Variants in GNA12 observed in about 807,000 individuals in gnomAD.
GNA12 encodes guanine nucleotide-binding protein subunit alpha-12.
GNA12 carries 9 observed loss-of-function variants against 26.0 expected under a neutral mutation model. The observed-to-expected ratio is 0.35, with a 90% confidence interval of 0.21 to 0.60. GNA12 has a LOEUF of 0.60. Among genes scored for constraint, GNA12 ranks in the 20% least tolerant of loss-of-function variants. The probability of loss-of-function intolerance (pLI) is 0.78; values close to 1 mark genes in which losing one functional copy is unlikely to be tolerated. For missense variants in GNA12, 405 were observed against 525.8 expected (o/e 0.77, Z 2.25); for synonymous variants, 264 against 219.6 (o/e 1.20, Z -1.79).
intron 2 of GNA12, among the ~76,000 whole-genome samples, chr7:2,738,054 T>C (rs886281566): frequency 5.3e-5 from 8 of 152,236 alleles, no homozygotes; most frequent in East Asian, 1.9e-4. Context: ...TTCATATACA[T>C]TAGAAAAAGG....
At chr7:2,792,889 G>T (rs545856717) in intron 2 of GNA12, among the ~76,000 whole-genome samples, 14 of 152,314 alleles carry the variant, frequency 9.2e-5, no homozygotes, top group African/African-American at 3.4e-4. Context: ...GGGTCTCAAT[G>T]TATCTCCCTA....
At position 2,791,043 on chromosome 7, in the gene GNA12, G is replaced by T. The variant is rs1055661607; in HGVS notation, c.525+3885C>A. ...AGTAGATAATTCATCCACATTTGTA[G>T]TATGTAGGCAATATCATCCACATAC... On this transcript the variant is annotated intron_variant, in intron 2 of 3. Transcript: ENST00000275364. Among the ~76,000 whole-genome samples, 4 of 151,578 alleles carry T rather than the reference G, an allele frequency of 2.6e-5. No homozygotes were observed. In the East Asian group the frequency reaches 7.7e-4, roughly 29 times the overall value.
Position 2,731,539 on chromosome 7 carries a change from T to G in GNA12, c.788A>C (p.Glu263Ala). ...SSSEYDQVLM[E>A]DRRTNRLVES... ...CACCAGCCGGTTGGTGCGCCTGTCC[T>G]CCATGAGGACCTGGTCGTACTCGCT... The change falls in exon 4 of 4, where the codon GAG becomes GCG. Residue 263 changes from glutamate (E) to alanine (A), a missense_variant. Physicochemically the swap from Glu to Ala is moderately radical, Grantham distance 107 (BLOSUM62 -1). Coordinates refer to ENST00000275364, the MANE Select transcript of GNA12 (RefSeq NM_007353.3). This position sits in a 1 kb window ranked among gnomAD's most constrained non-coding sequence, Gnocchi z 6.0. The G allele has an allele frequency of 6.2e-7, 1 of 1,611,220 alleles. No individual in the cohort carries two copies. The highest frequency in any genetic ancestry group is 8.5e-7 in the Non-Finnish European group (1 of 1,177,982).
chr7:2,802,055 T>G (rs1367271727), intron 1 of GNA12, among the ~76,000 whole-genome samples: 1 of 152,158 alleles, frequency 6.6e-6, no homozygotes, highest in African/African-American at 2.4e-5. Context: ...GAAAGACCAA[T>G]TTTCTAAAAC....
chr7:2,804,056 C>G (rs1402734659), intron 1 of GNA12, among the ~76,000 whole-genome samples: 2 of 152,176 alleles, frequency 1.3e-5, no homozygotes, highest in African/African-American at 4.8e-5. Context: ...CACTACATGA[C>G]AAACACTAGT....
chr7:2,772,559 C>CAA (rs60736477), intron 2 of GNA12, among the ~76,000 whole-genome samples: 4,081 of 113,842 alleles, frequency 0.036, 153 homozygotes, highest in Middle Eastern at 0.1. Context: ...GACTCCATCT[C>CAA]AAAAAAAAAA....
At chr7:2,794,724 GT>G in intron 2 of GNA12, 1 of 591,182 alleles carries the variant, frequency 1.7e-6, no homozygotes, top group East Asian at 2.8e-5. Flanking sequence ...TCTTACCTGA[GT>G]GGCTCTTGCT....
chr7:2,772,227 G>A (rs1371212868), intron 2 of GNA12, among the ~76,000 whole-genome samples: 2 of 152,214 alleles, frequency 1.3e-5, no homozygotes, highest in African/African-American at 2.4e-5. Flanking sequence ...GCACAAACCT[G>A]TTATAGAAGA....
intron 2 of GNA12, among the ~76,000 whole-genome samples, chr7:2,790,237 C>G (rs1168905781): frequency 6.6e-6 from 1 of 152,140 alleles, no homozygotes; most frequent in Non-Finnish European, 1.5e-5. Flanking sequence ...CTTAACATAG[C>G]CTGATTATTT....
intron 1 of GNA12, among the ~76,000 whole-genome samples, chr7:2,824,164 A>G (rs1793428080): frequency 6.6e-6 from 1 of 152,226 alleles, no homozygotes; most frequent in African/African-American, 2.4e-5. Context: ...CCCACAGATC[A>G]GGATGACAGC....
At chr7:2,736,964 T>G (rs1046223556) in intron 2 of GNA12, among the ~76,000 whole-genome samples, 1 of 152,190 alleles carries the variant, frequency 6.6e-6, no homozygotes, top group African/African-American at 2.4e-5. Context: ...AGGGGCTGAC[T>G]CTGGTTCCCT....
chr7:2,795,712 A>G (rs1304166513), intron 1 of GNA12, among the ~76,000 whole-genome samples: 2 of 151,928 alleles, frequency 1.3e-5, no homozygotes, highest in Non-Finnish European at 2.9e-5. Context: ...TTCTGCTATC[A>G]TTCATTTGCA....
rs574804926 is a variant in GNA12 at position 2,843,105 on chromosome 7, T to TA, written c.309+747dup. On this transcript the variant is annotated intron_variant, in intron 1 of 3. Coordinates refer to ENST00000275364, the MANE Select transcript of GNA12 (RefSeq NM_007353.3). The stretch of plus-strand genomic sequence containing the variant: ...CTGGGCAAGAGAGTGAGAGCCTTTC[T>TA]AAAAAAACAGAAAAGTAAAAAGAGA... 7.9e-5 allele frequency among the ~76,000 whole-genome samples: 12 copies of TA among 152,174 alleles called. No homozygotes were observed. In the East Asian group the frequency reaches 1.4e-3, roughly 17 times the overall value.
intron 2 of GNA12, among the ~76,000 whole-genome samples, chr7:2,745,428 A>C (rs951894250): frequency 4.6e-5 from 7 of 152,230 alleles, no homozygotes; most frequent in Admixed American, 6.5e-5. Context: ...TAAGCTTCAT[A>C]AGTGAAGGAG....
intron 2 of GNA12, among the ~76,000 whole-genome samples, chr7:2,779,755 G>A (rs777945734): frequency 6.6e-6 from 1 of 151,550 alleles, no homozygotes; most frequent in Non-Finnish European, 1.5e-5. Flanking sequence ...GTACCACCAC[G>A]CCTGGATAAT....
chr7:2,812,863 T>G (rs1204495799), intron 1 of GNA12, among the ~76,000 whole-genome samples: 4 of 152,190 alleles, frequency 2.6e-5, no homozygotes, highest in Non-Finnish European at 5.9e-5. Flanking sequence ...ATTTGGCCCC[T>G]TTTTTGTTAG....
chr7:2,743,374 T>G (rs757856449), intron 2 of GNA12, among the ~76,000 whole-genome samples: 6 of 152,148 alleles, frequency 3.9e-5, no homozygotes, highest in Non-Finnish European at 8.8e-5. Flanking sequence ...ATAATTAAAT[T>G]ATTCAAAATA....
rs751206075 is a variant in GNA12 at position 2,731,211 on chromosome 7, C to T, written c.1116G>A (p.Gln372=). 5.6e-6 allele frequency: 9 copies of T among 1,612,772 alleles called. No homozygotes were observed. The highest frequency in any genetic ancestry group is 1.3e-5 in the African/African-American group (1 of 74,978). The part of the protein sequence containing the change: ...VFHAVKDTIL[Q]ENLKDIMLQ Reference sequence around the variant, plus strand: ...GCAGCATGATGTCCTTCAGGTTCTCCTGCAGGATGGTGTCTTTCACAGCAT... The same window carrying T: ...GCAGCATGATGTCCTTCAGGTTCTCTTGCAGGATGGTGTCTTTCACAGCAT... Residue 372 remains glutamine (Q), a synonymous_variant, in exon 4 of 4, where the codon CAG becomes CAA. Transcript: ENST00000275364. This position sits in a 1 kb window ranked among gnomAD's most constrained non-coding sequence, Gnocchi z 6.0.
intron 1 of GNA12, among the ~76,000 whole-genome samples, chr7:2,802,027 C>A (rs1792821461): frequency 1.3e-5 from 2 of 152,024 alleles, no homozygotes; most frequent in South Asian, 4.1e-4. Flanking sequence ...AAACCTCTTA[C>A]TCCTGTCCTT....
Sources: gnomAD v4.1 joint callset for allele counts (sites outside exome capture counted in the v4.1 genomes callset) on GRCh38, gnomAD v4.1.1 for gene constraint, Gnocchi (gnomAD v3.1) non-coding constraint, MANE v1.5 for transcripts, NCBI Gene and HGNC (gene_info 2026-07-23, HGNC 2026-07-21) for gene names.